The following DIAPH2 variants were observed in gnomAD, a reference collection of about 807,000 sequenced individuals.
The protein encoded by DIAPH2 is diaphanous related formin 2.
In DIAPH2, 35 loss-of-function variants were observed where a neutral mutation model predicts 92.7. The ratio of observed to expected loss-of-function variants is 0.38; its 90% confidence interval spans 0.29 to 0.50. The LOEUF (loss-of-function observed/expected upper bound fraction) is 0.50, where lower values mean the gene tolerates loss of function less well. DIAPH2 is among the 20% of genes least tolerant of loss of function. The pLI is 0.94. For synonymous variants in DIAPH2, 301 were observed against 280.4 expected (o/e 1.07, Z -0.73); for missense variants, 701 against 819.5 (o/e 0.86, Z 1.77).
intron 17 of DIAPH2, among the ~76,000 whole-genome samples, chrX:96,992,809 A>G (rs780053023): frequency 6.3e-4 from 71 of 111,981 alleles, no homozygotes; most frequent in African/African-American, 2.3e-3. Flanking sequence ...AGACTTTTCT[A>G]GAAGGTGTTC....
chrX:96,883,304 C>G (rs2065232038), intron 5 of DIAPH2, among the ~76,000 whole-genome samples: 1 of 111,194 alleles, frequency 9.0e-6, no homozygotes. Context: ...TGTGACTTAT[C>G]TTAGAGTATG....
At chrX:97,517,913 C>T (rs1475473225) in intron 26 of DIAPH2, among the ~76,000 whole-genome samples, 1 of 112,189 alleles carries the variant, frequency 8.9e-6, no homozygotes, top group African/African-American at 3.2e-5. Context: ...CATCAGACCC[C>T]AGAATAGGTG....
In DIAPH2 at chrX:96,733,392, A is replaced by G. The variant is rs148806739; in HGVS notation, c.133-2366A>G. On this transcript the variant is annotated intron_variant, in intron 1 of 26. Coordinates refer to ENST00000324765, the MANE Select transcript of DIAPH2 (RefSeq NM_006729.5). ...GCCATGGAGAAAGAGCATTCCAGGC[A>G]GAGAGAAGAGCCAGTGCATGTGGCT... is the stretch of plus-strand genomic sequence containing the variant. Among the ~76,000 whole-genome samples the G allele has an allele frequency of 2.4e-3, 267 of 111,189 alleles. 4 individuals are homozygous for G. Among genetic ancestry groups the G allele is most frequent in the African/African-American group, 8.3e-3 (253 of 30,599 alleles).
At position 96,870,599 on chromosome X, in the gene DIAPH2, A is replaced by G. The variant is rs183834200; in HGVS notation, c.448-10980A>G. On this transcript the variant is annotated intron_variant, in intron 4 of 26. Transcript: ENST00000324765. ...AGGCACACATCCATTTATTCATGTGACAATTAGTTACATTTCTTTTTATTT... is the reference window on the plus strand; with the variant it reads ...AGGCACACATCCATTTATTCATGTGGCAATTAGTTACATTTCTTTTTATTT... Among the ~76,000 whole-genome samples the G allele has an allele frequency of 2.0e-3, 218 of 110,525 alleles. 3 individuals carry two copies. The highest frequency in any genetic ancestry group is 7.0e-3 in the African/African-American group (212 of 30,406).
At chrX:96,986,028 A>G (rs1427350577) in intron 17 of DIAPH2, among the ~76,000 whole-genome samples, 1 of 111,622 alleles carries the variant, frequency 9.0e-6, no homozygotes, top group South Asian at 3.7e-4. Context: ...AAAGGTCTTG[A>G]AAAAATATAA....
At chrX:97,161,605 C>T (rs1301101377) in intron 22 of DIAPH2, among the ~76,000 whole-genome samples, 2 of 110,850 alleles carry the variant, frequency 1.8e-5, no homozygotes, top group African/African-American at 6.6e-5. Context: ...GGTTTCGCCA[C>T]CCAGACTGGG....
rs1178257689 is a variant in DIAPH2 at position 97,258,889 on chromosome X, AAAC to A, written c.2844+11067_2844+11069del. ...CCGTCTCAAAAAAAAAAAAAAAAAA[AAAC>A]AACAACAACAACAACAGAAACAAAA... On this transcript the variant is annotated intron_variant, in intron 23 of 26. Transcript: ENST00000324765. Among the ~76,000 whole-genome samples, 160 of 102,049 alleles carry A rather than the reference AAAC, an allele frequency of 1.6e-3. 1 individual carries two copies. Among genetic ancestry groups the A allele is most frequent in the African/African-American group, 3.4e-3 (92 of 26,866 alleles). The allele number at this position is 102,049 out of a possible 115,157, so 88.6% of individuals were successfully genotyped here. A position where few individuals can be genotyped will look rare whatever the true frequency, so the allele number is the denominator to read the frequency against.
rs781275022 is a variant in DIAPH2 at position 96,962,456 on chromosome X, C to T, written c.1936-2637C>T. On this transcript the variant is annotated intron_variant, in intron 16 of 26. Transcript: ENST00000324765. The stretch of plus-strand genomic sequence containing the variant: ...ATATATATATACATATATACACACA[C>T]ATATATATATACATATATATATACA... 5.9e-3 allele frequency among the ~76,000 whole-genome samples: 341 copies of T among 57,426 alleles called. 7 individuals are homozygous for T. The highest frequency in any genetic ancestry group is 0.018 in the African/African-American group (234 of 12,723). 49.9% of individuals were successfully genotyped at this position (57,426 alleles called of 115,157 possible). A position where few individuals can be genotyped will look rare whatever the true frequency, so the allele number is the denominator to read the frequency against.
chrX:96,902,687 TA>T, intron 5 of DIAPH2, among the ~76,000 whole-genome samples: 1 of 111,434 alleles, frequency 9.0e-6, no homozygotes, highest in Middle Eastern at 4.7e-3. Flanking sequence ...AATATAAATT[TA>T]AAAAAACACA....
chrX:97,264,428 C>T (rs1441172776), intron 23 of DIAPH2, among the ~76,000 whole-genome samples: 2 of 110,207 alleles, frequency 1.8e-5, no homozygotes, highest in East Asian at 5.6e-4. Flanking sequence ...CATGCATAGA[C>T]ACACAGACAC....
At chrX:97,169,088 T>A (rs761220406) in intron 22 of DIAPH2, among the ~76,000 whole-genome samples, 23 of 111,561 alleles carry the variant, frequency 2.1e-4, no homozygotes, top group Middle Eastern at 4.6e-3. Flanking sequence ...TGATTTTGTA[T>A]GAAGGATAGT....
intron 10 of DIAPH2, 47 bp from the exon 11 acceptor site, chrX:96,937,186 G>A (rs200698347): frequency 1.1e-4 from 80 of 699,244 alleles, no homozygotes; most frequent in East Asian, 4.9e-4. Context: ...TAAATATGCC[G>A]TTGTCAAACT....
rs1265558990 is a variant in DIAPH2 at position 97,383,972 on chromosome X, G to A, written c.3073G>A (p.Ala1025Thr). The A allele has an allele frequency of 8.3e-7, 1 of 1,203,332 alleles. No individual in the cohort carries two copies. Among genetic ancestry groups the A allele is most frequent in the Non-Finnish European group, 1.1e-6 (1 of 891,236 alleles). Residue 1025 changes from alanine to threonine, a missense_variant, in exon 25 of 27, where the codon GCA becomes ACA. Physicochemically the swap from Ala to Thr is moderately conservative, Grantham distance 58. Around this residue, in one of 3 missense-constraint regions of DIAPH2, gnomAD observed 536 missense variants for 599.3 expected, o/e 0.89. Coordinates refer to ENST00000324765, the MANE Select transcript of DIAPH2 (RefSeq NM_006729.5). ...AGAGAAGACCAGGAGGGCAAAACTT[G>A]CAAAAGAGAAAGCTGAACAAGAAAA... is the stretch of plus-strand genomic sequence containing the variant. ...MEEKTRRAKL[A>T]KEKAEQEKLE...
At chrX:97,336,045 A>G (rs914200518) in intron 23 of DIAPH2, among the ~76,000 whole-genome samples, 23 of 109,888 alleles carry the variant, frequency 2.1e-4, no homozygotes, top group African/African-American at 7.6e-4. Context: ...AATATTTAAT[A>G]TCCTTCCAAG....
intron 22 of DIAPH2, among the ~76,000 whole-genome samples, chrX:97,167,920 C>T (rs1421407788): frequency 9.0e-6 from 1 of 110,932 alleles, no homozygotes; most frequent in Non-Finnish European, 1.9e-5. Flanking sequence ...GGTTGTTTAT[C>T]CTCTTTAAAG....
intron 4 of DIAPH2, among the ~76,000 whole-genome samples, chrX:96,859,585 TAGAA>T (rs1436334627): frequency 4.6e-5 from 5 of 108,285 alleles, no homozygotes; most frequent in Non-Finnish European, 9.5e-5. Context: ...TAAGTGGGAA[TAGAA>T]AGAAAGTTCA....
At chrX:96,888,546 T>C (rs1454912153) in intron 5 of DIAPH2, among the ~76,000 whole-genome samples, 1 of 94,374 alleles carries the variant, frequency 1.1e-5, no homozygotes, top group East Asian at 3.3e-4. Context: ...TACATACAGA[T>C]ATATATATCT....
chrX:97,330,539 GTC>G (rs1313747187), intron 23 of DIAPH2, among the ~76,000 whole-genome samples: 1 of 106,349 alleles, frequency 9.4e-6, no homozygotes, highest in Non-Finnish European at 1.9e-5. Flanking sequence ...TTGAGACAGA[GTC>G]TTGCTCTGTC....
At chrX:97,006,257 C>T (rs2147859973) in intron 17 of DIAPH2, among the ~76,000 whole-genome samples, 1 of 111,871 alleles carries the variant, frequency 8.9e-6, no homozygotes, top group East Asian at 2.8e-4. Flanking sequence ...ATTCTGTGGT[C>T]CTTGCATGAA....
Sources: allele counts gnomAD v4.1 joint callset (sites outside exome capture counted in the v4.1 genomes callset), GRCh38; gene constraint gnomAD v4.1.1; regional missense constraint gnomAD v4.1.1; transcripts MANE v1.5; gene names NCBI Gene and HGNC (gene_info 2026-07-23, HGNC 2026-07-21).